Variants in TMEM132C observed in about 807,000 individuals in gnomAD.
TMEM132C encodes the protein transmembrane protein 132C, also known as protein phosphatase 1, regulatory subunit 152.
In TMEM132C, 29 loss-of-function variants were observed where a neutral mutation model predicts 61.4. The observed-to-expected ratio is 0.47, with a 90% CI of 0.35 to 0.64. The LOEUF is 0.64. Among genes scored for constraint, TMEM132C ranks in the 30% least tolerant of loss-of-function variants. The pLI is 0.00. For synonymous variants in TMEM132C, 656 were observed against 633.1 expected, an observed-to-expected ratio of 1.04 and a Z score of -0.54; for missense variants, 1,408 against 1,476.9, an observed-to-expected ratio of 0.95 and a Z score of 0.76.
chr12:128,664,699 C>CT (rs757515227), intron 4 of TMEM132C, among the ~76,000 whole-genome samples: 15 of 152,176 alleles, frequency 9.9e-5, no homozygotes, highest in Non-Finnish European at 2.1e-4. Context: ...GGAAAGGCAG[C>CT]TAGCAGTGTA....
intron 1 of TMEM132C, among the ~76,000 whole-genome samples, chr12:128,271,267 T>TAATA (rs140971953): frequency 4.9e-5 from 7 of 143,030 alleles, no homozygotes; most frequent in African/African-American, 1.0e-4. Context: ...ATAATAATAA[T>TAATA]ATAATAATAA....
At chr12:128,339,052 A>G (rs1872874082) in intron 1 of TMEM132C, among the ~76,000 whole-genome samples, 1 of 152,092 alleles carries the variant, frequency 6.6e-6, no homozygotes, top group African/African-American at 2.4e-5. Context: ...CACATCTGGC[A>G]GGCAAATTTA....
In TMEM132C at chr12:128,543,950, C is replaced by G. The variant is rs1366213020; in HGVS notation, c.975-7C>G. On this transcript the variant is annotated splice_region_variant and splice_polypyrimidine_tract_variant and intron_variant, in intron 2 of 8. Coordinates refer to ENST00000435159, the MANE Select transcript of TMEM132C (RefSeq NM_001136103.3). ...TCTCTCTCTCTCTCCCATCTTCATC[C>G]CCACAGAGCCAAGGTGAAGAAGGGG... 1.9e-6 allele frequency: 3 copies of G among 1,542,708 alleles called. No homozygotes were observed. Among genetic ancestry groups the G allele is most frequent in the East Asian group, 5.0e-5 (2 of 40,094 alleles).
At chr12:128,368,807 G>A (rs973887500) in intron 1 of TMEM132C, among the ~76,000 whole-genome samples, 1 of 152,198 alleles carries the variant, frequency 6.6e-6, no homozygotes, top group African/African-American at 2.4e-5. Context: ...CAAAGCGGGA[G>A]ACTGAGAGTC....
At chr12:128,484,415 C>T (rs569675391) in intron 2 of TMEM132C, among the ~76,000 whole-genome samples, 95 of 152,250 alleles carry the variant, frequency 6.2e-4, no homozygotes, top group Middle Eastern at 6.8e-3. Context: ...TCTAGGAGCA[C>T]GTTGATATCA....
In TMEM132C at chr12:128,544,024, A is replaced by C. The variant is rs1294382141; in HGVS notation, c.1042A>C (p.Lys348Gln). 1 of 1,548,766 alleles carries C rather than the reference A, an allele frequency of 6.5e-7. No individual in the cohort carries two copies. Among genetic ancestry groups the C allele is most frequent in the Non-Finnish European group, 8.7e-7 (1 of 1,145,732 alleles). The change falls in exon 3 of 9, where the codon AAG becomes CAG. Residue 348 changes from lysine (K) to glutamine (Q), a missense_variant. By Grantham distance (53) the Lys-to-Gln change is moderately conservative. Coordinates refer to ENST00000435159, the MANE Select transcript of TMEM132C (RefSeq NM_001136103.3). The part of the protein sequence containing the change: ...QTREPRQWGV[K>Q]QEVGSGGKHV... ...CCGTGAGCCCCGGCAGTGGGGCGTCAAGCAGGAGGTGGGCAGCGGCGGAAA... is the reference window on the plus strand; with the variant it reads ...CCGTGAGCCCCGGCAGTGGGGCGTCCAGCAGGAGGTGGGCAGCGGCGGAAA...
At chr12:128,668,042 G>A (rs1462698300) in intron 4 of TMEM132C, among the ~76,000 whole-genome samples, 1 of 152,206 alleles carries the variant, frequency 6.6e-6, no homozygotes, top group Non-Finnish European at 1.5e-5. Flanking sequence ...GGAGACTGAG[G>A]CAGGAGGATC....
chr12:128,562,468 A>G (rs1874556479), intron 3 of TMEM132C, among the ~76,000 whole-genome samples: 1 of 152,004 alleles, frequency 6.6e-6, no homozygotes, highest in African/African-American at 2.4e-5. Context: ...AGTGGTCCTT[A>G]TTATTCCCTG....
intron 2 of TMEM132C, among the ~76,000 whole-genome samples, chr12:128,510,472 C>T (rs1237258620): frequency 3.3e-5 from 5 of 152,222 alleles, no homozygotes; most frequent in Admixed American, 3.3e-4. Flanking sequence ...GCATCTCTTT[C>T]CGGGCTAAGG....
At chr12:128,619,149 C>A (rs1437807628) in intron 4 of TMEM132C, among the ~76,000 whole-genome samples, 1 of 152,132 alleles carries the variant, frequency 6.6e-6, no homozygotes. Flanking sequence ...CTGTTAGCAG[C>A]CAGTGAGACA....
At chr12:128,368,607 G>T (rs1433197681) in intron 1 of TMEM132C, among the ~76,000 whole-genome samples, 5 of 152,218 alleles carry the variant, frequency 3.3e-5, no homozygotes, top group African/African-American at 1.2e-4. Context: ...GCATGAAGGT[G>T]TAAGGTATGC....
chr12:128,405,199 T>A (rs887949821), intron 1 of TMEM132C, among the ~76,000 whole-genome samples: 1 of 152,150 alleles, frequency 6.6e-6, no homozygotes, highest in African/African-American at 2.4e-5. Flanking sequence ...ATGGCAGCCC[T>A]GGAATTGTTT....
intron 4 of TMEM132C, among the ~76,000 whole-genome samples, chr12:128,658,073 C>T (rs1325663788): frequency 2.2e-5 from 3 of 138,792 alleles, no homozygotes; most frequent in Non-Finnish European, 3.2e-5. Context: ...GGCCTCAAGG[C>T]AGGAGCAGGG....
intron 1 of TMEM132C, among the ~76,000 whole-genome samples, chr12:128,325,621 T>C (rs1470651985): frequency 6.6e-6 from 1 of 152,236 alleles, no homozygotes; most frequent in East Asian, 1.9e-4. Context: ...TGTGAAGTTT[T>C]TCAGTGTCTT....
intron 1 of TMEM132C, among the ~76,000 whole-genome samples, chr12:128,358,445 C>G (rs1367473245): frequency 6.6e-6 from 1 of 151,010 alleles, no homozygotes; most frequent in East Asian, 1.9e-4. Flanking sequence ...ATAGCAGTAG[C>G]AAATACTATG....
intron 1 of TMEM132C, among the ~76,000 whole-genome samples, chr12:128,277,965 A>G (rs1870748926): frequency 6.6e-6 from 1 of 152,082 alleles, no homozygotes; most frequent in Middle Eastern, 3.4e-3. Flanking sequence ...TCCCTCCAAT[A>G]AGAGATGGGC....
At chr12:128,383,602 C>A (rs533164416) in intron 1 of TMEM132C, among the ~76,000 whole-genome samples, 2 of 152,174 alleles carry the variant, frequency 1.3e-5, no homozygotes. Flanking sequence ...TAAGTTCAAA[C>A]GGAATTTCTC....
intron 1 of TMEM132C, among the ~76,000 whole-genome samples, chr12:128,376,826 T>A (rs983616084): frequency 6.6e-6 from 1 of 152,220 alleles, no homozygotes; most frequent in Non-Finnish European, 1.5e-5. Context: ...AACCTGTTTT[T>A]CCTCACAGGT....
intron 2 of TMEM132C, among the ~76,000 whole-genome samples, chr12:128,433,551 A>T (rs1402920975): frequency 6.6e-6 from 1 of 152,224 alleles, no homozygotes. Context: ...GGAAACTGTC[A>T]TCAGGATTTT....
Sources: gnomAD v4.1 joint callset for allele counts (sites outside exome capture counted in the v4.1 genomes callset) on GRCh38, gnomAD v4.1.1 for gene constraint, MANE v1.5 for transcripts, NCBI Gene and HGNC (gene_info 2026-07-23, HGNC 2026-07-21) for gene names.